TCAF1: variants seen among roughly 807,000 people sequenced by gnomAD.
The protein encoded by TCAF1 is TRPM8 channel-associated factor 1.
A neutral mutation model predicts 27.3 loss-of-function variants in TCAF1; 4 were observed. The observed-to-expected ratio is 0.15, with a 90% CI of 0.07 to 0.34. The LOEUF (loss-of-function observed/expected upper bound fraction) is 0.34, where lower values mean the gene tolerates loss of function less well. Among genes scored for constraint, TCAF1 ranks in the 10% least tolerant of loss-of-function variants. TCAF1 has a pLI of 1.00. For missense variants in TCAF1, 257 were observed against 425.8 expected (o/e 0.60, Z 3.49); for synonymous variants, 105 against 167.1 (o/e 0.63, Z 2.87).
At chr7:143,901,427 G>A (rs1254123599) in intron 1 of TCAF1, among the ~76,000 whole-genome samples, 4 of 152,180 alleles carry the variant, frequency 2.6e-5, no homozygotes, top group Non-Finnish European at 5.9e-5. Flanking sequence ...GTTTACCAGG[G>A]AACTGTATCA....
chr7:143,883,000 C>A, intron 1 of TCAF1: 2 of 435,494 alleles, frequency 4.6e-6, no homozygotes, highest in Non-Finnish European at 6.1e-6. Flanking sequence ...GCCCTGGTGG[C>A]TTGGCATTGC....
Position 143,885,419 on chromosome 7 carries a change from G to A in TCAF1, c.-14-8797C>T, listed in dbSNP as rs866764430. On this transcript the variant is annotated intron_variant, in intron 1 of 8. Coordinates refer to ENST00000479870, the MANE Select transcript of TCAF1 (RefSeq NM_014719.3). Reference sequence around the variant, plus strand: ...CTGATTGGCTGCCGCGGGTGGAGGCGGAGCTTGGCCGCCGCCCCCGGACCG... The same window carrying A: ...CTGATTGGCTGCCGCGGGTGGAGGCAGAGCTTGGCCGCCGCCCCCGGACCG... 579 of 985,446 alleles carry A rather than the reference G, an allele frequency of 5.9e-4. 1 individual carries two copies. The Middle Eastern group carries it at 7.8e-3, about 13-fold the overall frequency. The allele number at this position is 985,446 out of a possible 1,614,324, so 61.0% of individuals were successfully genotyped here.
At chr7:143,888,135 C>A (rs983333319) in intron 1 of TCAF1, among the ~76,000 whole-genome samples, 3 of 152,010 alleles carry the variant, frequency 2.0e-5, no homozygotes, top group African/African-American at 4.8e-5. Flanking sequence ...TGTTTTAGTT[C>A]TAGGAATGTA....
rs570698388 is a variant in TCAF1 at position 143,893,241 on chromosome 7, G to T, written c.-15+8720C>A. The stretch of plus-strand genomic sequence containing the variant: ...ACAGCAATACAAAAATTTTAAATTT[G>T]TATCCTTAATAACTTCAAAATTTAT... On this transcript the variant is annotated intron_variant, in intron 1 of 8. Coordinates refer to ENST00000479870, the MANE Select transcript of TCAF1 (RefSeq NM_014719.3). Among the ~76,000 whole-genome samples the T allele has an allele frequency of 1.3e-3, 191 of 152,152 alleles. 1 individual carries two copies. Among genetic ancestry groups the T allele is most frequent in the African/African-American group, 4.4e-3 (183 of 41,524 alleles).
At chr7:143,882,392 C>A in intron 1 of TCAF1, 1 of 985,384 alleles carries the variant, frequency 1.0e-6, no homozygotes, top group Non-Finnish European at 1.2e-6. Context: ...GACAAAGCAG[C>A]GGATTAGACG....
chr7:143,893,340 C>G (rs1813736129), intron 1 of TCAF1, among the ~76,000 whole-genome samples: 1 of 152,122 alleles, frequency 6.6e-6, no homozygotes, highest in Admixed American at 6.5e-5. Context: ...GTACATTTTT[C>G]TCAGTAATCT....
At chr7:143,892,464 G>A (rs1813682698) in intron 1 of TCAF1, among the ~76,000 whole-genome samples, 2 of 149,050 alleles carry the variant, frequency 1.3e-5, no homozygotes, top group Admixed American at 1.3e-4. Context: ...ATCAAGAAAA[G>A]AGAAAATAAC....
rs1039823558 is a variant in TCAF1 at position 143,886,410 on chromosome 7, T to A, written c.-14-9788A>T. 8 of 684,040 alleles carry A rather than the reference T, an allele frequency of 1.2e-5. 1 individual carries two copies. Among genetic ancestry groups the A allele is most frequent in the African/African-American group, 1.2e-4 (6 of 51,384 alleles). 42.4% of individuals were successfully genotyped at this position (684,040 alleles called of 1,614,324 possible). ...GTGGTGAAAGGGACAGGGTACGACATCCCATATAAATTAAGGGTTTCATTT... is the reference window on the plus strand; with the variant it reads ...GTGGTGAAAGGGACAGGGTACGACAACCCATATAAATTAAGGGTTTCATTT... On this transcript the variant is annotated intron_variant, in intron 1 of 8. Coordinates refer to ENST00000479870, the MANE Select transcript of TCAF1 (RefSeq NM_014719.3).
At chr7:143,878,427 G>C (rs988321751) in intron 1 of TCAF1, among the ~76,000 whole-genome samples, 4 of 152,124 alleles carry the variant, frequency 2.6e-5, no homozygotes, top group African/African-American at 9.7e-5. Context: ...CCTTGAGAAA[G>C]CCCTTCACAC....
intron 1 of TCAF1, among the ~76,000 whole-genome samples, chr7:143,898,306 TTAC>T (rs1213043914): frequency 6.6e-6 from 1 of 152,152 alleles, no homozygotes; most frequent in Non-Finnish European, 1.5e-5. Flanking sequence ...ATGCCCTTTA[TTAC>T]TTTTATTCAA....
chr7:143,868,493 TC>T (rs1354462133), intron 2 of TCAF1, among the ~76,000 whole-genome samples: 1 of 117,558 alleles, frequency 8.5e-6, no homozygotes, highest in African/African-American at 3.1e-5. Flanking sequence ...TGCAAATACT[TC>T]TAAAAATAAA....
chr7:143,882,602 C>G, intron 1 of TCAF1: 1 of 985,584 alleles, frequency 1.0e-6, no homozygotes, highest in African/African-American at 1.7e-5. Context: ...ACACCCAGAC[C>G]CACGGCGCAC....
intron 1 of TCAF1, among the ~76,000 whole-genome samples, chr7:143,881,289 T>A (rs1813006197): frequency 6.6e-6 from 1 of 152,242 alleles, no homozygotes; most frequent in Non-Finnish European, 1.5e-5. Context: ...AAATGACAGA[T>A]GAGGGTATAA....
intron 1 of TCAF1, among the ~76,000 whole-genome samples, chr7:143,897,963 G>A (rs1813963048): frequency 6.6e-6 from 1 of 151,946 alleles, no homozygotes; most frequent in African/African-American, 2.4e-5. Context: ...AATATCCAAT[G>A]TTTACCTTTT....
At chr7:143,857,521 C>A (rs1811588700) in intron 7 of TCAF1, among the ~76,000 whole-genome samples, 171 bp from the exon 8 acceptor site, 1 of 152,308 alleles carries the variant, frequency 6.6e-6, no homozygotes, top group Non-Finnish European at 1.5e-5. Flanking sequence ...TGCTCTTCCA[C>A]ATTCTAATCT....
intron 2 of TCAF1, among the ~76,000 whole-genome samples, chr7:143,871,706 A>G (rs1812467367): frequency 2.0e-4 from 2 of 9,778 alleles, no homozygotes; most frequent in Middle Eastern, 0.014. Flanking sequence ...TGGTAGAAGT[A>G]GCCACTTTCA....
intron 2 of TCAF1, among the ~76,000 whole-genome samples, chr7:143,867,494 A>G (rs1205498399): frequency 6.6e-6 from 1 of 151,994 alleles, no homozygotes; most frequent in African/African-American, 2.4e-5. Context: ...TTATTGGAAT[A>G]TAAGAGTTCT....
chr7:143,875,445 A>G (rs1255590883), intron 2 of TCAF1, among the ~76,000 whole-genome samples: 2 of 152,148 alleles, frequency 1.3e-5, no homozygotes, highest in African/African-American at 4.8e-5. Flanking sequence ...TGACTCCTTC[A>G]TTACTGATCA....
chr7:143,876,732 G>A (rs1812740245), intron 1 of TCAF1, 110 bp from the exon 2 acceptor site: 2 of 811,642 alleles, frequency 2.5e-6, no homozygotes, highest in South Asian at 4.0e-5. Context: ...CTATGCAGAT[G>A]AGGCTGACAC....
Sources: allele counts gnomAD v4.1 joint callset (sites outside exome capture counted in the v4.1 genomes callset), GRCh38; gene constraint gnomAD v4.1.1; transcripts MANE v1.5; gene names NCBI Gene and HGNC (gene_info 2026-07-23, HGNC 2026-07-21).